SGCD: variants seen among roughly 807,000 people sequenced by gnomAD.
SGCD encodes sarcoglycan delta, also known as delta-sarcoglycan.
Under a neutral mutation model 36.6 loss-of-function variants are expected in SGCD, and 18 were observed. The observed-to-expected ratio is 0.49, with a 90% CI of 0.34 to 0.73. The LOEUF is 0.73. Ranked by LOEUF, SGCD falls within the 30% of genes least tolerant of loss-of-function variation. The pLI, the probability that SGCD is intolerant of heterozygous loss-of-function variation, is 0.01. For synonymous variants in SGCD, 133 were observed against 130.6 expected (o/e 1.02, Z -0.12); for missense variants, 387 against 346.7 (o/e 1.12, Z -0.92).
chr5:156,433,256 T>C (rs766750033), intron 3 of SGCD, among the ~76,000 whole-genome samples: 1 of 152,216 alleles, frequency 6.6e-6, no homozygotes, highest in Non-Finnish European at 1.5e-5. Context: ...ACCCTAATGC[T>C]TCCAGATGTT....
chr5:156,238,404 C>A (rs943277167), intron 3 of SGCD, among the ~76,000 whole-genome samples: 5 of 152,130 alleles, frequency 3.3e-5, no homozygotes, highest in African/African-American at 1.2e-4. Flanking sequence ...GTCGGCTGTT[C>A]ATAGCTCACA....
chr5:156,338,571 TAA>T (rs1768479224), intron 2 of SGCD, among the ~76,000 whole-genome samples: 1 of 152,202 alleles, frequency 6.6e-6, no homozygotes, highest in Non-Finnish European at 1.5e-5. Context: ...GTTAAGATAT[TAA>T]AGATCTGTCG....
intron 3 of SGCD, among the ~76,000 whole-genome samples, chr5:156,184,734 G>C (rs1173245783): frequency 6.6e-6 from 1 of 152,140 alleles, no homozygotes; most frequent in Non-Finnish European, 1.5e-5. Flanking sequence ...TGGAGCAAGA[G>C]TTCATTCATT....
At chr5:155,971,800 AT>A (rs1758011293) in intron 1 of SGCD, among the ~76,000 whole-genome samples, 1 of 152,124 alleles carries the variant, frequency 6.6e-6, no homozygotes, top group African/African-American at 2.4e-5. Flanking sequence ...CATGGTGGCT[AT>A]CCTGGGAAAT....
chr5:156,220,963 T>A (rs1764702540), intron 3 of SGCD, among the ~76,000 whole-genome samples: 1 of 152,134 alleles, frequency 6.6e-6, no homozygotes, highest in South Asian at 2.1e-4. Context: ...AATAGGTGGA[T>A]GTCACAAACA....
intron 1 of SGCD, among the ~76,000 whole-genome samples, chr5:156,092,802 A>G (rs1350996658): frequency 1.3e-5 from 2 of 152,202 alleles, no homozygotes; most frequent in Non-Finnish European, 2.9e-5. Flanking sequence ...ATTCTGACAT[A>G]TAGAGAAAGC....
At chr5:156,286,736 C>G (rs1475176333) in intron 3 of SGCD, among the ~76,000 whole-genome samples, 3 of 151,938 alleles carry the variant, frequency 2.0e-5, no homozygotes, top group Non-Finnish European at 4.4e-5. Context: ...TGACAAGTTA[C>G]TGGGTGCAGC....
the SGCD span, among the ~76,000 whole-genome samples, chr5:155,788,306 A>T: frequency 1.3e-5 from 2 of 152,178 alleles, no homozygotes; most frequent in Non-Finnish European, 2.9e-5. Context: ...CAAGCTACTG[A>T]AGGATTTTAA....
chr5:156,674,681 A>G (rs1753439279), intron 7 of SGCD, among the ~76,000 whole-genome samples: 1 of 152,216 alleles, frequency 6.6e-6, no homozygotes, highest in South Asian at 2.1e-4. Context: ...TCAGGCTTCA[A>G]GTGCTGCTCA....
At chr5:155,993,788 G>A (rs1185421816) in intron 1 of SGCD, among the ~76,000 whole-genome samples, 1 of 152,112 alleles carries the variant, frequency 6.6e-6, no homozygotes, top group African/African-American at 2.4e-5. Flanking sequence ...TCACAGCATG[G>A]TGGCTGAGCC....
At chr5:155,838,775 C>CAAAA in the SGCD span, among the ~76,000 whole-genome samples, 1 of 118,320 alleles carries the variant, frequency 8.5e-6, no homozygotes, top group Non-Finnish European at 1.8e-5. Context: ...AAGAGATTTG[C>CAAAA]AAAAAAAAAA....
intron 3 of SGCD, among the ~76,000 whole-genome samples, chr5:156,156,409 G>A (rs182317560): frequency 1.3e-5 from 2 of 151,618 alleles, no homozygotes; most frequent in Non-Finnish European, 1.5e-5. Flanking sequence ...TGGGCAGATC[G>A]CTTGAGGTCA....
chr5:156,458,243 C>G (rs1413847890), intron 3 of SGCD, among the ~76,000 whole-genome samples: 3 of 152,154 alleles, frequency 2.0e-5, no homozygotes, highest in East Asian at 3.9e-4. Context: ...GTACATGCCC[C>G]AAATACCAAG....
chr5:156,192,349 G>A (rs2127633047), intron 3 of SGCD, among the ~76,000 whole-genome samples: 1 of 152,246 alleles, frequency 6.6e-6, no homozygotes, highest in East Asian at 1.9e-4. Context: ...TAATTATTAT[G>A]TTAAGTGAAA....
At chr5:156,712,408 T>C (rs1029117576) in intron 7 of SGCD, among the ~76,000 whole-genome samples, 7 of 152,238 alleles carry the variant, frequency 4.6e-5, no homozygotes, top group African/African-American at 1.7e-4. Flanking sequence ...CAAAACACTG[T>C]CTTCATCTTA....
chr5:156,229,251 T>A (rs249874), intron 3 of SGCD, among the ~76,000 whole-genome samples: 1 of 106,110 alleles, frequency 9.4e-6, no homozygotes, highest in African/African-American at 3.8e-5. Flanking sequence ...TATATATATA[T>A]ACATACATAC....
At chr5:156,663,124 G>A (rs202025683) in intron 7 of SGCD, among the ~76,000 whole-genome samples, 958 of 120,974 alleles carry the variant, frequency 7.9e-3, no homozygotes, top group South Asian at 0.012. Flanking sequence ...GAGCGGGCAT[G>A]GTGATTTCCG....
intron 3 of SGCD, among the ~76,000 whole-genome samples, chr5:156,505,093 A>G (rs1406312166): frequency 6.6e-6 from 1 of 152,200 alleles, no homozygotes; most frequent in Non-Finnish European, 1.5e-5. Flanking sequence ...AGAAATGATC[A>G]CTAATAATGC....
At chr5:156,377,791 ATTATGT>A (rs1277599601) in intron 3 of SGCD, among the ~76,000 whole-genome samples, 2 of 152,162 alleles carry the variant, frequency 1.3e-5, no homozygotes, top group East Asian at 3.9e-4. Flanking sequence ...GATAGAGTTA[ATTATGT>A]TGTTTCTGGT....
Sources: gnomAD v4.1 joint callset for allele counts (sites outside exome capture counted in the v4.1 genomes callset) on GRCh38, gnomAD v4.1.1 for gene constraint, MANE v1.5 for transcripts, NCBI Gene and HGNC (gene_info 2026-07-23, HGNC 2026-07-21) for gene names.